The following ESRRG variants were observed in gnomAD, a reference collection of about 807,000 sequenced individuals.
ESRRG encodes the protein estrogen-related receptor gamma.
In ESRRG, 13 loss-of-function variants were observed where a neutral mutation model predicts 44.0. The ratio of observed to expected loss-of-function variants is 0.30; its 90% confidence interval spans 0.19 to 0.47. ESRRG has a LOEUF of 0.47. Among genes scored for constraint, ESRRG ranks in the 20% least tolerant of loss-of-function variants. The pLI is 1.00. For missense variants in ESRRG, 395 were observed against 580.6 expected, an observed-to-expected ratio of 0.68 and a Z score of 3.29; for synonymous variants, 215 against 214.6, an observed-to-expected ratio of 1.00 and a Z score of -0.02.
intron 2 of ESRRG, among the ~76,000 whole-genome samples, chr1:216,922,597 T>C (rs547617058): frequency 1.3e-5 from 2 of 152,206 alleles, no homozygotes; most frequent in Non-Finnish European, 2.9e-5. Flanking sequence ...TCCTTCATTT[T>C]CATACTCTAA....
intron 1 of ESRRG, among the ~76,000 whole-genome samples, chr1:217,076,313 C>A (rs1000657533): frequency 6.6e-6 from 1 of 152,172 alleles, no homozygotes; most frequent in Admixed American, 6.5e-5. Flanking sequence ...CCCCTTTCCC[C>A]CCAGATTTGG....
intron 2 of ESRRG, among the ~76,000 whole-genome samples, chr1:216,778,379 G>A (rs1439825576): frequency 6.6e-6 from 1 of 151,942 alleles, no homozygotes; most frequent in Non-Finnish European, 1.5e-5. Context: ...AATTCCTGGG[G>A]AGGGACTCAA....
chr1:216,778,603 T>G (rs530179217), intron 2 of ESRRG, among the ~76,000 whole-genome samples: 20 of 151,938 alleles, frequency 1.3e-4, no homozygotes, highest in African/African-American at 4.8e-4. Flanking sequence ...CCTGTGACCC[T>G]GAAGTACTTC....
chr1:217,121,139 C>T (rs2092812903), intron 1 of ESRRG, among the ~76,000 whole-genome samples: 1 of 152,002 alleles, frequency 6.6e-6, no homozygotes, highest in African/African-American at 2.4e-5. Context: ...CACACACACA[C>T]ACACACACAC....
chr1:216,966,563 G>A (rs1344358343), intron 1 of ESRRG, among the ~76,000 whole-genome samples: 3 of 152,096 alleles, frequency 2.0e-5, no homozygotes, highest in Non-Finnish European at 4.4e-5. Flanking sequence ...CACCTGTAAG[G>A]AATTTAGATA....
chr1:216,821,985 C>T (rs1398231231), intron 2 of ESRRG, among the ~76,000 whole-genome samples: 2 of 151,950 alleles, frequency 1.3e-5, no homozygotes, highest in African/African-American at 2.4e-5. Context: ...CTCTCCATTG[C>T]CTGGCCAAGC....
At chr1:216,522,513 G>A in intron 5 of ESRRG, among the ~76,000 whole-genome samples, 1 of 152,084 alleles carries the variant, frequency 6.6e-6, no homozygotes, top group African/African-American at 2.4e-5. Context: ...CCACACCACT[G>A]CAATCTGGAA....
chr1:216,675,496 A>G (rs2075946852), intron 2 of ESRRG, among the ~76,000 whole-genome samples: 2 of 152,230 alleles, frequency 1.3e-5, no homozygotes, highest in African/African-American at 4.8e-5. Flanking sequence ...TTTGAAAACT[A>G]GTACGTCACA....
intron 3 of ESRRG, among the ~76,000 whole-genome samples, chr1:216,633,799 C>T (rs2064735511): frequency 6.6e-6 from 1 of 152,054 alleles, no homozygotes; most frequent in Non-Finnish European, 1.5e-5. Context: ...ACATTTTATT[C>T]TGAGAAAGCA....
intron 1 of ESRRG, among the ~76,000 whole-genome samples, chr1:217,074,379 A>AC (rs935566679): frequency 4.7e-4 from 69 of 146,488 alleles, no homozygotes; most frequent in African/African-American, 1.7e-3. Flanking sequence ...CTCTGCCTTG[A>AC]CCCTACCAAT....
chr1:216,523,683 A>T (rs940242409), intron 5 of ESRRG, among the ~76,000 whole-genome samples: 1 of 152,074 alleles, frequency 6.6e-6, no homozygotes, highest in African/African-American at 2.4e-5. Context: ...AATAGGCTGC[A>T]GTGCAGGCAT....
chr1:216,988,104 C>T (rs2789559), intron 1 of ESRRG, among the ~76,000 whole-genome samples: 129,965 of 152,144 alleles, frequency 0.85, 55,682 homozygotes, highest in East Asian at 1. Flanking sequence ...TCTGTTCCTG[C>T]AGAAACTCAA....
intron 3 of ESRRG, among the ~76,000 whole-genome samples, chr1:216,570,810 A>G (rs2060641449): frequency 6.6e-6 from 1 of 152,210 alleles, no homozygotes; most frequent in Non-Finnish European, 1.5e-5. Flanking sequence ...AAGAAAGCTG[A>G]CAGAATAAAT....
At chr1:216,952,743 C>T (rs1449529255) in intron 1 of ESRRG, among the ~76,000 whole-genome samples, 1 of 152,094 alleles carries the variant, frequency 6.6e-6, no homozygotes, top group African/African-American at 2.4e-5. Flanking sequence ...AATCATCAGT[C>T]TTCCAGAAAC....
chr1:216,877,429 A>G (rs1489948137), intron 2 of ESRRG, among the ~76,000 whole-genome samples: 1 of 150,014 alleles, frequency 6.7e-6, no homozygotes, highest in African/African-American at 2.4e-5. Flanking sequence ...TTTGAGACAG[A>G]GTCTCACTCT....
At chr1:217,037,657 G>T (rs768451833) in intron 1 of ESRRG, among the ~76,000 whole-genome samples, 1 of 151,780 alleles carries the variant, frequency 6.6e-6, no homozygotes, top group Non-Finnish European at 1.5e-5. Context: ...AACCAATCAC[G>T]CCATCCCAAT....
At chr1:216,542,633 T>C (rs1169081182) in intron 5 of ESRRG, among the ~76,000 whole-genome samples, 1 of 152,052 alleles carries the variant, frequency 6.6e-6, no homozygotes, top group Non-Finnish European at 1.5e-5. Flanking sequence ...TTTTAAACTT[T>C]CACATTTTTG....
intron 1 of ESRRG, among the ~76,000 whole-genome samples, chr1:216,983,379 G>A (rs544134735): frequency 6.6e-6 from 1 of 151,974 alleles, no homozygotes; most frequent in South Asian, 2.1e-4. Flanking sequence ...CTATAGGCAT[G>A]CGCCACCACA....
At chr1:216,570,680 C>T (rs2060621440) in intron 3 of ESRRG, among the ~76,000 whole-genome samples, 1 of 152,044 alleles carries the variant, frequency 6.6e-6, no homozygotes, top group Non-Finnish European at 1.5e-5. Flanking sequence ...CCAATGAGAA[C>T]ATTTAATCTG....
Sources: gnomAD v4.1 joint callset for allele counts (sites outside exome capture counted in the v4.1 genomes callset) on GRCh38, gnomAD v4.1.1 for gene constraint, MANE v1.5 for transcripts, NCBI Gene and HGNC (gene_info 2026-07-23, HGNC 2026-07-21) for gene names.